The following STAB2 variants were observed in gnomAD, a reference collection of about 807,000 sequenced individuals.
The protein encoded by STAB2 is stabilin 2.
STAB2 carries 288 observed loss-of-function variants against 338.1 expected under a neutral mutation model. That is an observed-to-expected ratio of 0.85 (90% confidence interval 0.77 to 0.94). The LOEUF (loss-of-function observed/expected upper bound fraction) is 0.94. Among genes scored for constraint, STAB2 ranks in the 40% least tolerant of loss-of-function variants. STAB2 has a pLI of 0.00. For synonymous variants in STAB2, 1,202 were observed against 1,193.3 expected (o/e 1.01, Z -0.15); for missense variants, 3,141 against 3,210.1 (o/e 0.98, Z 0.52).
At chr12:103,646,959 C>T (rs1873381790) in intron 9 of STAB2, among the ~76,000 whole-genome samples, 1 of 152,180 alleles carries the variant, frequency 6.6e-6, no homozygotes, top group Non-Finnish European at 1.5e-5. Flanking sequence ...GATGGGAAAG[C>T]ATTCCTGGTG....
rs1210854853 is a variant in STAB2, at chr12:103,670,818, C to T, written c.2371+11C>T. ...CTCGGTGTAACAAAAGTAAGTGGCA[C>T]TTCCAGAGCTTCCTTCCACTCCTAA... On this transcript the variant is annotated intron_variant, in intron 22 of 68. Transcript: ENST00000388887. The T allele has an allele frequency of 6.2e-7, 1 of 1,603,366 alleles. No homozygotes were observed. Among genetic ancestry groups the T allele is most frequent in the Non-Finnish European group, 8.5e-7 (1 of 1,171,954 alleles).
In STAB2 at chr12:103,688,233, G is replaced by T; in HGVS notation, c.3045+18G>T. The T allele has an allele frequency of 6.2e-7, 1 of 1,611,568 alleles. No individual in the cohort carries two copies. Among genetic ancestry groups the T allele is most frequent in the Non-Finnish European group, 8.5e-7 (1 of 1,177,792 alleles). On this transcript the variant is annotated intron_variant, in intron 28 of 68. Coordinates refer to ENST00000388887, the MANE Select transcript of STAB2 (RefSeq NM_017564.10). ...GGATAAATGTGAGTACCTTTATTGG[G>T]ACTTAGGATTGGGAATGTATATATT...
intron 3 of STAB2, among the ~76,000 whole-genome samples, chr12:103,610,375 G>T (rs1167370116): frequency 6.6e-6 from 1 of 152,100 alleles, no homozygotes; most frequent in African/African-American, 2.4e-5. Flanking sequence ...GCCTGTTATT[G>T]GTCTATTCAA....
chr12:103,712,306 A>T, intron 40 of STAB2, 61 bp from the exon 41 acceptor site: 1 of 1,271,824 alleles, frequency 7.9e-7, no homozygotes, highest in Non-Finnish European at 1.2e-6. Flanking sequence ...GGCATTTGTG[A>T]GTCATGTGGT....
At position 103,652,562 on chromosome 12, in the gene STAB2, G is replaced by T. The variant is rs1303938846; in HGVS notation, c.1264G>T (p.Glu422Ter). The change falls in exon 12 of 69, where the codon GAG (glutamate) becomes TAG (stop). Residue 422 changes from glutamate (E) to a stop codon, truncating the protein, a stop_gained. Transcript: ENST00000388887. LOFTEE classifies it high-confidence loss of function. ...DKGLKGFNVN[E>*]LLVDNKAAQY... ...ATTGGCTCTTCTCTCTTAGGTAAAT[G>T]AGCTTTTGGTGGATAATAAAGCTGC... 1.3e-6 allele frequency: 2 copies of T among 1,569,848 alleles called. No individual in the cohort carries two copies. Among genetic ancestry groups the T allele is most frequent in the Non-Finnish European group, 8.6e-7 (1 of 1,162,024 alleles).
At position 103,766,475 on chromosome 12, in the gene STAB2, G is replaced by A. The variant is rs777966554; in HGVS notation, c.*139G>A. ...ATACCTCATCTCTCTGGCTGATCTG[G>A]GGGTTGTTTCTGTGGGTGAGAGATG... On this transcript the variant is annotated 3_prime_UTR_variant, in exon 69 of 69. Transcript: ENST00000388887. 9.9e-7 allele frequency: 1 copy of A among 1,012,984 alleles called. No individual in the cohort carries two copies. Among genetic ancestry groups the A allele is most frequent in the East Asian group, 2.6e-5 (1 of 38,202 alleles). The allele number at this position is 1,012,984 out of a possible 1,614,324, so 62.7% of individuals were successfully genotyped here. A position where few individuals can be genotyped will look rare whatever the true frequency, so the allele number is the denominator to read the frequency against.
chr12:103,733,882 G>A (rs36071014), intron 51 of STAB2, among the ~76,000 whole-genome samples: 4,826 of 149,372 alleles, frequency 0.032, 101 homozygotes, highest in African/African-American at 0.057. Flanking sequence ...GAGCAAGCAC[G>A]ATCATATAGG....
intron 3 of STAB2, among the ~76,000 whole-genome samples, chr12:103,608,924 C>G (rs944513601): frequency 6.6e-6 from 1 of 152,216 alleles, no homozygotes; most frequent in Admixed American, 6.5e-5. Flanking sequence ...GTTTTCCCAG[C>G]ACCATTTATT....
At chr12:103,762,821 G>A (rs993048734) in intron 67 of STAB2, among the ~76,000 whole-genome samples, 5 of 152,364 alleles carry the variant, frequency 3.3e-5, no homozygotes, top group African/African-American at 4.8e-5. Context: ...CACAGCCAGA[G>A]GCTTTATGCT....
chr12:103,590,047 T>A (rs1432454741), intron 1 of STAB2, among the ~76,000 whole-genome samples: 1 of 152,056 alleles, frequency 6.6e-6, no homozygotes, highest in Admixed American at 6.5e-5. Context: ...AGCTGCTCCA[T>A]CTTAAGCTTG....
At chr12:103,636,832 G>T (rs907657024) in intron 6 of STAB2, among the ~76,000 whole-genome samples, 1 of 152,016 alleles carries the variant, frequency 6.6e-6, no homozygotes, top group Admixed American at 6.6e-5. Flanking sequence ...ATAATATATC[G>T]TTAAATTAAA....
At position 103,650,664 on chromosome 12, in the gene STAB2, C is replaced by A. The variant is rs1160663129; in HGVS notation, c.1257+86C>A. The A allele has an allele frequency of 7.0e-6, 8 of 1,139,942 alleles. No individual in the cohort carries two copies. The African/African-American group carries it at 1.1e-4, about 16-fold the overall frequency. The allele number at this position is 1,139,942 out of a possible 1,614,324, so 70.6% of individuals were successfully genotyped here. A position where few individuals can be genotyped will look rare whatever the true frequency, so the allele number is the denominator to read the frequency against. ...CCTTCTTTTATTTAAAGTGGGAAAT[C>A]CCCATTAAAATTAAACCTACTGATG... is the stretch of plus-strand genomic sequence containing the variant. On this transcript the variant is annotated intron_variant, in intron 11 of 68. Transcript: ENST00000388887.
chr12:103,626,756 C>T (rs1565969875), intron 5 of STAB2, among the ~76,000 whole-genome samples: 1 of 152,156 alleles, frequency 6.6e-6, no homozygotes, highest in Admixed American at 6.5e-5. Context: ...GTAAGTAGGA[C>T]AGCTCTATTA....
intron 41 of STAB2, 133 bp downstream of exon 41, chr12:103,712,576 G>A: frequency 4.3e-6 from 3 of 699,756 alleles, no homozygotes; most frequent in Admixed American, 4.1e-5. Flanking sequence ...ATGTAATGGG[G>A]CAGTTGATTG....
intron 2 of STAB2, among the ~76,000 whole-genome samples, chr12:103,592,648 C>T (rs1956817207): frequency 6.6e-6 from 1 of 152,206 alleles, no homozygotes; most frequent in African/African-American, 2.4e-5. Context: ...ACACCACAAT[C>T]AGTGTCATAA....
chr12:103,629,343 C>T (rs1305133793), intron 5 of STAB2, among the ~76,000 whole-genome samples: 4 of 152,244 alleles, frequency 2.6e-5, no homozygotes, highest in Non-Finnish European at 4.4e-5. Context: ...AATTACCCAG[C>T]AACTGCCTCT....
At chr12:103,668,099 G>C (rs962698731) in intron 19 of STAB2, among the ~76,000 whole-genome samples, 1 of 152,210 alleles carries the variant, frequency 6.6e-6, no homozygotes, top group South Asian at 2.1e-4. Flanking sequence ...TCTGTGCAAT[G>C]TGTCTGGCCC....
chr12:103,753,196 C>G, intron 60 of STAB2, 24 bp from the exon 61 acceptor site: 1 of 1,612,638 alleles, frequency 6.2e-7, no homozygotes, highest in African/African-American at 1.3e-5. Flanking sequence ...CTGACCTGGG[C>G]GATTCCTCCT....
At chr12:103,762,427 A>T (rs1224236885) in intron 67 of STAB2, 25 bp downstream of exon 67, 1 of 1,614,118 alleles carries the variant, frequency 6.2e-7, no homozygotes, top group Non-Finnish European at 8.5e-7. Context: ...TGGGAACATG[A>T]TGATGGGGTC....
Sources: gnomAD v4.1 joint callset for allele counts (sites outside exome capture counted in the v4.1 genomes callset) on GRCh38, gnomAD v4.1.1 for gene constraint, MANE v1.5 for transcripts, NCBI Gene and HGNC (gene_info 2026-07-23, HGNC 2026-07-21) for gene names.